PTPRD: variants seen among roughly 807,000 people sequenced by gnomAD.
PTPRD encodes receptor-type tyrosine-protein phosphatase delta.
A neutral mutation model predicts 214.5 loss-of-function variants in PTPRD; 34 were observed. That is an observed-to-expected ratio of 0.16 (90% CI 0.12 to 0.21). The LOEUF is 0.21. Ranked by LOEUF, PTPRD falls within the 10% of genes least tolerant of loss-of-function variation. The probability of loss-of-function intolerance (pLI) is 1.00; values close to 1 mark genes in which losing one functional copy is unlikely to be tolerated. For missense variants in PTPRD, 2,545 were observed against 2,398.7 expected, an observed-to-expected ratio of 1.06 and a Z score of -1.27; for synonymous variants, 1,128 against 845.7, an observed-to-expected ratio of 1.33 and a Z score of -5.79.
intron 3 of PTPRD, among the ~76,000 whole-genome samples, chr9:10,070,367 T>C (rs1288998818): frequency 6.6e-6 from 1 of 152,064 alleles, no homozygotes; most frequent in African/African-American, 2.4e-5. Context: ...CCTTTGTATG[T>C]ACCTCTTGTT....
At chr9:10,584,708 T>C (rs938851922) in intron 2 of PTPRD, among the ~76,000 whole-genome samples, 1 of 152,160 alleles carries the variant, frequency 6.6e-6, no homozygotes, top group African/African-American at 2.4e-5. Flanking sequence ...AATAAGTCGC[T>C]GAGACAAAAA....
intron 9 of PTPRD, among the ~76,000 whole-genome samples, chr9:9,215,249 G>A (rs1029259667): frequency 2.0e-5 from 3 of 152,068 alleles, no homozygotes; most frequent in East Asian, 1.9e-4. Context: ...CAGAAGTCAC[G>A]CCTGAGAGTA....
In PTPRD at chr9:9,489,757, T is replaced by C. The variant is rs957220351; in HGVS notation, c.-237+84975A>G. On this transcript the variant is annotated intron_variant, in intron 8 of 45. Transcript: ENST00000381196. ...AAAGACTGAAGTGAACAGAACCTAA[T>C]GTATCTGTGGAGCACCATGAAGTGG... Among the ~76,000 whole-genome samples the C allele has an allele frequency of 3.3e-5, 5 of 152,066 alleles. No individual in the cohort carries two copies. The South Asian group carries it at 6.2e-4, about 19-fold the overall frequency.
At chr9:8,382,489 TGAGCCA>T (rs912747951) in intron 37 of PTPRD, among the ~76,000 whole-genome samples, 19 of 152,192 alleles carry the variant, frequency 1.2e-4, no homozygotes, top group African/African-American at 4.1e-4. Flanking sequence ...AGGAATGCTT[TGAGCCA>T]GAATCTGTCA....
chr9:10,436,501 GAATTA>G (rs895522469), intron 2 of PTPRD, among the ~76,000 whole-genome samples: 11 of 151,572 alleles, frequency 7.3e-5, no homozygotes, highest in African/African-American at 2.4e-4. Flanking sequence ...AAATCATAAT[GAATTA>G]GTCTCCAACA....
chr9:10,266,197 G>T (rs1012683705), intron 3 of PTPRD, among the ~76,000 whole-genome samples: 1 of 151,884 alleles, frequency 6.6e-6, no homozygotes, highest in South Asian at 2.1e-4. Flanking sequence ...AGTTAAGTGT[G>T]CCTTAAAATG....
intron 3 of PTPRD, among the ~76,000 whole-genome samples, chr9:10,048,428 T>C (rs938701624): frequency 6.6e-6 from 1 of 152,286 alleles, no homozygotes; most frequent in South Asian, 2.1e-4. Context: ...TGGCTTCTTA[T>C]ATAATCTTTG....
intron 8 of PTPRD, among the ~76,000 whole-genome samples, chr9:9,432,749 A>G (rs1357320906): frequency 6.6e-6 from 1 of 152,240 alleles, no homozygotes; most frequent in Non-Finnish European, 1.5e-5. Context: ...TAATGAAGCC[A>G]CTTTAATACC....
chr9:8,434,803 T>C (rs920843653), intron 35 of PTPRD, among the ~76,000 whole-genome samples: 1 of 151,748 alleles, frequency 6.6e-6, no homozygotes, highest in African/African-American at 2.4e-5. Flanking sequence ...TGATTTGCCT[T>C]ATTTTCTCTA....
chr9:8,821,020 A>G (rs1159868136), intron 11 of PTPRD, among the ~76,000 whole-genome samples: 3 of 152,208 alleles, frequency 2.0e-5, no homozygotes, highest in East Asian at 1.9e-4. Context: ...TTCAACTTAT[A>G]GCCACCTCCC....
chr9:8,555,953 T>G (rs2083611044), intron 14 of PTPRD, among the ~76,000 whole-genome samples: 1 of 152,152 alleles, frequency 6.6e-6, no homozygotes, highest in Non-Finnish European at 1.5e-5. Context: ...TGCAGATCTG[T>G]GAAGACATCT....
chr9:9,558,692 T>G (rs1366763845), intron 8 of PTPRD, among the ~76,000 whole-genome samples: 1 of 152,178 alleles, frequency 6.6e-6, no homozygotes, highest in Non-Finnish European at 1.5e-5. Context: ...TGCCCTGAGT[T>G]TAGCTTATTA....
chr9:8,877,553 C>T (rs1335531349), intron 11 of PTPRD, among the ~76,000 whole-genome samples: 2 of 151,914 alleles, frequency 1.3e-5, no homozygotes, highest in Non-Finnish European at 2.9e-5. Flanking sequence ...TTATTTTGGT[C>T]TTTTGATGTT....
intron 9 of PTPRD, among the ~76,000 whole-genome samples, chr9:9,396,675 A>G (rs2067954220): frequency 6.6e-6 from 1 of 151,942 alleles, no homozygotes. Flanking sequence ...GATGCTATAC[A>G]AAGACACTCT....
intron 2 of PTPRD, among the ~76,000 whole-genome samples, chr9:10,343,822 GTTGT>G (rs768675388): frequency 5.3e-5 from 8 of 151,790 alleles, no homozygotes; most frequent in Admixed American, 1.3e-4. Context: ...TTTTGATGGG[GTTGT>G]TTGTTTTTTT....
chr9:9,577,091 A>T (rs74370751), intron 7 of PTPRD, among the ~76,000 whole-genome samples: 1 of 152,174 alleles, frequency 6.6e-6, no homozygotes, highest in African/African-American at 2.4e-5. Flanking sequence ...ACTTAAGTTC[A>T]GGGATTCCAG....
chr9:10,608,178 A>C (rs373335811), intron 2 of PTPRD, among the ~76,000 whole-genome samples: 38 of 152,190 alleles, frequency 2.5e-4, no homozygotes, highest in African/African-American at 8.9e-4. Flanking sequence ...GTGATGCTGC[A>C]AAATAGCATA....
chr9:9,423,703 A>G (rs2079712679), intron 8 of PTPRD, among the ~76,000 whole-genome samples: 1 of 152,108 alleles, frequency 6.6e-6, no homozygotes, highest in African/African-American at 2.4e-5. Flanking sequence ...TCAAACAAAA[A>G]TTCTAAAATG....
At chr9:9,253,314 CT>C (rs200385136) in intron 9 of PTPRD, among the ~76,000 whole-genome samples, 3,100 of 152,008 alleles carry the variant, frequency 0.02, 67 homozygotes, top group African/African-American at 0.049. Context: ...TGAGGCCTGA[CT>C]TTTTTTATTA....
Sources: gnomAD v4.1 joint callset for allele counts (sites outside exome capture counted in the v4.1 genomes callset) on GRCh38, gnomAD v4.1.1 for gene constraint, MANE v1.5 for transcripts, NCBI Gene and HGNC (gene_info 2026-07-23, HGNC 2026-07-21) for gene names.